NLRC5: variants seen among roughly 807,000 people sequenced by gnomAD.
NLRC5 encodes the protein NLR family CARD domain containing 5, also known as protein NLRC5.
Under a neutral mutation model 206.9 loss-of-function variants are expected in NLRC5, and 114 were observed. The observed-to-expected ratio is 0.55, with a 90% CI of 0.47 to 0.64. The LOEUF is 0.64. Ranked by LOEUF, NLRC5 falls within the 30% of genes least tolerant of loss-of-function variation. The pLI, the probability that NLRC5 is intolerant of heterozygous loss-of-function variation, is 0.00. For synonymous variants in NLRC5, 952 were observed against 962.8 expected, an observed-to-expected ratio of 0.99 and a Z score of 0.21; for missense variants, 2,008 against 2,305.5, an observed-to-expected ratio of 0.87 and a Z score of 2.64.
intron 32 of NLRC5, among the ~76,000 whole-genome samples, chr16:57,063,576 G>A (rs1396117763): frequency 1.3e-5 from 2 of 152,104 alleles, no homozygotes; most frequent in Non-Finnish European, 2.9e-5. Context: ...AAACAATAGA[G>A]ATGAGGTCTC....
chr16:57,066,143 A>G (rs896333014), intron 33 of NLRC5, among the ~76,000 whole-genome samples: 2 of 151,976 alleles, frequency 1.3e-5, no homozygotes, highest in Admixed American at 6.6e-5. Context: ...TTAACTTTAA[A>G]TTGTTGAAAA....
At chr16:57,051,510 C>A (rs778266218) in intron 23 of NLRC5, 28 bp from the exon 24 acceptor site, 81 of 1,572,966 alleles carry the variant, frequency 5.1e-5, no homozygotes, top group Non-Finnish European at 6.9e-5. Flanking sequence ...AGGTTTCCCC[C>A]ACCTCATCCA....
At chr16:57,002,510 A>G (rs976241766) in intron 1 of NLRC5, among the ~76,000 whole-genome samples, 4 of 152,140 alleles carry the variant, frequency 2.6e-5, no homozygotes, top group Admixed American at 1.3e-4. Context: ...AATCTTGGCT[A>G]TTGTAAACAG....
chr16:57,019,873 AGG>A (rs2060470991), intron 2 of NLRC5, among the ~76,000 whole-genome samples: 2 of 152,142 alleles, frequency 1.3e-5, no homozygotes, highest in Admixed American at 6.5e-5. Flanking sequence ...CTCTGCCATG[AGG>A]TTAGCTCAGA....
chr16:57,066,444 G>C, intron 33 of NLRC5, 90 bp from the exon 34 acceptor site: 1 of 1,103,394 alleles, frequency 9.1e-7, no homozygotes, highest in Non-Finnish European at 1.4e-6. Context: ...CAAAGTGAGA[G>C]TTCAGAGTTG....
intron 5 of NLRC5, among the ~76,000 whole-genome samples, chr16:57,024,514 C>T (rs569501332): frequency 6.6e-6 from 1 of 152,302 alleles, no homozygotes; most frequent in South Asian, 2.1e-4. Flanking sequence ...CCAGCCCTTT[C>T]CCTGGGTCAC....
Position 57,045,512 on chromosome 16 carries a change from GGT to G in NLRC5, c.3248+22_3248+23del. ...AAGCAGGTGAGGAGGGAACGCTCGG[GGT>G]GGGGGAGTCCCCTCCCGCTCTGGTC... On this transcript the variant is annotated intron_variant, in intron 21 of 48. Coordinates refer to ENST00000688547, the MANE Select transcript of NLRC5 (RefSeq NM_001384950.1). 2 of 1,612,884 alleles carry G rather than the reference GGT, an allele frequency of 1.2e-6. No homozygotes were observed. The highest frequency in any genetic ancestry group is 1.7e-6 in the Non-Finnish European group (2 of 1,179,402).
intron 1 of NLRC5, chr16:57,013,735 A>C (rs112049589): frequency 2.7e-6 from 2 of 728,090 alleles, no homozygotes. Context: ...AAAAGTCAAC[A>C]ATACGTTTAC....
At chr16:57,046,719 C>G (rs2064026534) in intron 22 of NLRC5, 78 bp downstream of exon 22, 2 of 1,204,176 alleles carry the variant, frequency 1.7e-6, no homozygotes, top group East Asian at 2.4e-5. Context: ...TGGCAGGGGG[C>G]TAGGGCTGGG....
intron 1 of NLRC5, among the ~76,000 whole-genome samples, chr16:56,996,812 A>C (rs1415192168): frequency 1.3e-5 from 2 of 152,240 alleles, no homozygotes; most frequent in Non-Finnish European, 2.9e-5. Context: ...CATTTGTTGA[A>C]AGCAGTATTA....
intron 1 of NLRC5, among the ~76,000 whole-genome samples, chr16:57,012,488 C>G (rs2059605822): frequency 6.6e-6 from 1 of 152,158 alleles, no homozygotes; most frequent in African/African-American, 2.4e-5. Context: ...AACTGGGCCG[C>G]ACAGCAGGTG....
Position 57,069,826 on chromosome 16 carries a change from C to A in NLRC5, c.4500-10C>A. The A allele has an allele frequency of 6.2e-7, 1 of 1,600,052 alleles. No individual in the cohort carries two copies. Among genetic ancestry groups the A allele is most frequent in the East Asian group, 2.3e-5 (1 of 44,408 alleles). ...TCCTGCCTGACCTGTTGCCCTTTGA[C>A]CCCCACCAGGCTGACCTCCAGCTGT... On this transcript the variant is annotated splice_polypyrimidine_tract_variant and intron_variant, in intron 36 of 48. Transcript: ENST00000688547.
At chr16:57,024,173 AAGGAGACCCAGGG>A (rs1404650919) in intron 5 of NLRC5, among the ~76,000 whole-genome samples, 2 of 152,146 alleles carry the variant, frequency 1.3e-5, no homozygotes, top group Admixed American at 1.3e-4. Context: ...CTCAGTGTTG[AAGGAGACCCAGGG>A]AGGAGACCAG....
intron 37 of NLRC5, 132 bp from the exon 38 acceptor site, chr16:57,070,402 AG>A: frequency 1.4e-6 from 1 of 707,434 alleles, no homozygotes; most frequent in South Asian, 1.7e-5. Context: ...CTGGACAGCG[AG>A]GGTGGCCCAG....
Position 57,030,019 on chromosome 16 carries a change from G to A in NLRC5, c.2352G>A (p.Val784=). Residue 784 remains valine, a synonymous_variant, in exon 10 of 49, where the codon GTG becomes GTA. Transcript: ENST00000688547. The part of the protein sequence containing the change: ...KLDLSSNSIC[V]STLLCLARVA... ...GCCTGAGCAGCAACAGCATCTGCGT[G>A]TCAACCCTACTCTGCTTGGCAAGGG... is the stretch of plus-strand genomic sequence containing the variant. The A allele has an allele frequency of 1.9e-6, 3 of 1,614,142 alleles. No homozygotes were observed. The highest frequency in any genetic ancestry group is 2.5e-6 in the Non-Finnish European group (3 of 1,180,024).
intron 1 of NLRC5, among the ~76,000 whole-genome samples, chr16:56,992,640 C>G (rs1193655928): frequency 6.6e-6 from 1 of 151,756 alleles, no homozygotes; most frequent in Non-Finnish European, 1.5e-5. Flanking sequence ...CCATGCCCAG[C>G]TAGTTTTTGT....
At chr16:57,033,346 T>C (rs1451003550) in intron 11 of NLRC5, among the ~76,000 whole-genome samples, 1 of 152,248 alleles carries the variant, frequency 6.6e-6, no homozygotes, top group Non-Finnish European at 1.5e-5. Context: ...GGGAGCCGAC[T>C]GCAGTGATTT....
intron 11 of NLRC5, among the ~76,000 whole-genome samples, chr16:57,032,921 C>A (rs1427957816): frequency 1.3e-5 from 2 of 151,876 alleles, no homozygotes; most frequent in Admixed American, 1.3e-4. Flanking sequence ...TCACTTGAGC[C>A]CAGGAGTTTG....
chr16:57,077,022 C>T (rs2145073831), intron 40 of NLRC5, 120 bp downstream of exon 40: 2 of 898,118 alleles, frequency 2.2e-6, no homozygotes, highest in East Asian at 2.6e-5. Flanking sequence ...CCCACTTCTA[C>T]ACTGTGTAAA....
Sources: allele counts gnomAD v4.1 joint callset (sites outside exome capture counted in the v4.1 genomes callset), GRCh38; gene constraint gnomAD v4.1.1; transcripts MANE v1.5; gene names NCBI Gene and HGNC (gene_info 2026-07-23, HGNC 2026-07-21).